MPP7: variants seen among roughly 807,000 people sequenced by gnomAD.
MPP7 encodes MAGUK p55 subfamily member 7.
Under a neutral mutation model 76.5 loss-of-function variants are expected in MPP7, and 60 were observed. The observed-to-expected ratio is 0.78, with a 90% CI of 0.64 to 0.97. The LOEUF (loss-of-function observed/expected upper bound fraction) is 0.97. MPP7 is among the 50% of genes least tolerant of loss of function. The pLI is 0.00. For synonymous variants in MPP7, 237 were observed against 244.5 expected, an observed-to-expected ratio of 0.97 and a Z score of 0.29; for missense variants, 641 against 694.0, an observed-to-expected ratio of 0.92 and a Z score of 0.86.
chr10:28,163,604 G>A (rs1420740620), intron 3 of MPP7, among the ~76,000 whole-genome samples: 2 of 152,118 alleles, frequency 1.3e-5, no homozygotes, highest in African/African-American at 4.8e-5. Context: ...TAAAAAAATA[G>A]TACTTGGAAT....
intron 2 of MPP7, among the ~76,000 whole-genome samples, chr10:28,312,870 G>A (rs1037329926): frequency 2.3e-4 from 35 of 152,244 alleles, no homozygotes; most frequent in Non-Finnish European, 4.9e-4. Context: ...TCCTTATCTC[G>A]CCACTTGAAA....
intron 1 of MPP7, among the ~76,000 whole-genome samples, chr10:28,253,583 G>C (rs938092815): frequency 6.6e-6 from 1 of 152,256 alleles, no homozygotes; most frequent in Non-Finnish European, 1.5e-5. Context: ...CCTTATAGTT[G>C]ATAGGTCCTA....
At chr10:28,236,392 A>G (rs1839075089) in intron 2 of MPP7, among the ~76,000 whole-genome samples, 1 of 152,232 alleles carries the variant, frequency 6.6e-6, no homozygotes, top group African/African-American at 2.4e-5. Context: ...TAACACGGAA[A>G]TATCTCTCCA....
At chr10:28,291,975 A>G (rs1464089225) in intron 1 of MPP7, among the ~76,000 whole-genome samples, 3 of 152,168 alleles carry the variant, frequency 2.0e-5, no homozygotes, top group African/African-American at 7.2e-5. Context: ...CCACTCACTG[A>G]CTCACCCAGA....
intron 2 of MPP7, among the ~76,000 whole-genome samples, chr10:28,321,986 TGTG>T (rs1300697530): frequency 1.3e-5 from 2 of 150,984 alleles, no homozygotes; most frequent in Non-Finnish European, 3.0e-5. Flanking sequence ...TGTGTGTGTG[TGTG>T]TTTAGCTGTA....
chr10:28,128,343 A>T (rs1835084671), intron 6 of MPP7, among the ~76,000 whole-genome samples: 1 of 151,038 alleles, frequency 6.6e-6, no homozygotes, highest in Admixed American at 6.6e-5. Flanking sequence ...AAATCCAAGA[A>T]TATGAAATCT....
chr10:28,291,594 CAGAG>C (rs1294146243), intron 1 of MPP7, among the ~76,000 whole-genome samples: 1 of 151,612 alleles, frequency 6.6e-6, no homozygotes, highest in African/African-American at 2.4e-5. Context: ...GCGACAGAGA[CAGAG>C]AGAGACACTG....
chr10:28,062,484 AC>A (rs1419019746), intron 13 of MPP7, among the ~76,000 whole-genome samples: 1 of 151,866 alleles, frequency 6.6e-6, no homozygotes, highest in Admixed American at 6.6e-5. Flanking sequence ...CAAACAGAAA[AC>A]AAATAATAAA....
intron 11 of MPP7, among the ~76,000 whole-genome samples, chr10:28,101,696 G>A (rs898655712): frequency 3.3e-5 from 5 of 152,062 alleles, no homozygotes; most frequent in African/African-American, 1.2e-4. Flanking sequence ...GATGCTTTGT[G>A]AATTGATTAG....
intron 2 of MPP7, among the ~76,000 whole-genome samples, chr10:28,316,083 T>G (rs1347618902): frequency 5.3e-5 from 8 of 152,012 alleles, no homozygotes; most frequent in Non-Finnish European, 1.2e-4. Flanking sequence ...ACATGACAAG[T>G]AAATGTAATG....
At chr10:28,228,784 GAA>G (rs992425068) in intron 2 of MPP7, among the ~76,000 whole-genome samples, 9 of 151,454 alleles carry the variant, frequency 5.9e-5, no homozygotes, top group African/African-American at 2.2e-4. Flanking sequence ...AAAAAGAAAA[GAA>G]AAAAAACTAA....
At chr10:28,186,750 T>C (rs2133930421) in intron 3 of MPP7, among the ~76,000 whole-genome samples, 1 of 152,318 alleles carries the variant, frequency 6.6e-6, no homozygotes, top group East Asian at 1.9e-4. Context: ...GGTCCCAGAA[T>C]TGTAAATATA....
intron 2 of MPP7, among the ~76,000 whole-genome samples, chr10:28,227,129 G>A (rs1838719431): frequency 6.6e-6 from 1 of 152,114 alleles, no homozygotes; most frequent in Non-Finnish European, 1.5e-5. Context: ...AATATTTTGT[G>A]AGTAGTGACA....
At chr10:28,213,279 G>A (rs1038823629) in intron 2 of MPP7, among the ~76,000 whole-genome samples, 1 of 152,044 alleles carries the variant, frequency 6.6e-6, no homozygotes, top group Non-Finnish European at 1.5e-5. Flanking sequence ...TCATTCAGTA[G>A]TTGTGAAGGA....
At chr10:28,054,657 G>T (rs1025804461) in intron 16 of MPP7, among the ~76,000 whole-genome samples, 2 of 152,122 alleles carry the variant, frequency 1.3e-5, no homozygotes, top group African/African-American at 4.8e-5. Flanking sequence ...GGACAAATTT[G>T]TAAAAGGATG....
At chr10:28,137,132 A>C (rs1835375945) in intron 5 of MPP7, among the ~76,000 whole-genome samples, 1 of 152,246 alleles carries the variant, frequency 6.6e-6, no homozygotes, top group African/African-American at 2.4e-5. Flanking sequence ...TAAAAACGAC[A>C]GCACACTTCT....
intron 3 of MPP7, among the ~76,000 whole-genome samples, chr10:28,187,566 G>A (rs1440665777): frequency 6.6e-6 from 1 of 152,124 alleles, no homozygotes; most frequent in East Asian, 1.9e-4. Context: ...TATGTCAGAG[G>A]CAAGTAACGT....
intron 3 of MPP7, among the ~76,000 whole-genome samples, chr10:28,201,577 T>C (rs1488060453): frequency 6.6e-6 from 1 of 152,174 alleles, no homozygotes; most frequent in Admixed American, 6.5e-5. Flanking sequence ...CCAGACCCGA[T>C]TTCTGCTGGC....
chr10:28,124,260 C>A, intron 7 of MPP7, 144 bp from the exon 8 acceptor site: 1 of 635,512 alleles, frequency 1.6e-6, no homozygotes, highest in Non-Finnish European at 2.8e-6. Flanking sequence ...TCTCAGGTTT[C>A]AGCCTCTATG....
Sources: gnomAD v4.1 joint callset for allele counts (sites outside exome capture counted in the v4.1 genomes callset) on GRCh38, gnomAD v4.1.1 for gene constraint, MANE v1.5 for transcripts, NCBI Gene and HGNC (gene_info 2026-07-23, HGNC 2026-07-21) for gene names.